Variants in WIPF3 observed in about 807,000 individuals in gnomAD.
WIPF3 encodes WAS/WASL-interacting protein family member 3.
A neutral mutation model predicts 38.9 loss-of-function variants in WIPF3; 33 were observed. The ratio of observed to expected loss-of-function variants is 0.85; its 90% confidence interval spans 0.64 to 1.14. The LOEUF is 1.14. Among genes scored for constraint, WIPF3 ranks in the 50% most tolerant of loss-of-function variants. The probability of loss-of-function intolerance (pLI) is 0.00; values close to 1 mark genes in which losing one functional copy is unlikely to be tolerated. For synonymous variants in WIPF3, 324 were observed against 269.3 expected, an observed-to-expected ratio of 1.20 and a Z score of -1.99; for missense variants, 711 against 652.5, an observed-to-expected ratio of 1.09 and a Z score of -0.98.
intron 2 of WIPF3, among the ~76,000 whole-genome samples, chr7:29,873,546 G>T (rs1785534673): frequency 6.6e-6 from 1 of 152,032 alleles, no homozygotes; most frequent in African/African-American, 2.4e-5. Context: ...TTAAAATTTT[G>T]CAGCTTAAAA....
At chr7:29,893,226 C>T (rs745406412) in intron 7 of WIPF3, among the ~76,000 whole-genome samples, 2 of 151,962 alleles carry the variant, frequency 1.3e-5, no homozygotes, top group Non-Finnish European at 2.9e-5. Flanking sequence ...GAGAATGTGA[C>T]ACCAAGAAGG....
In WIPF3 at chr7:29,891,200, AGGGGGCG is replaced by A. The variant is rs1562788093; in HGVS notation, c.1351+1794_1351+1800del. On this transcript the variant is annotated intron_variant, in intron 7 of 8. Coordinates refer to ENST00000242140, the MANE Select transcript of WIPF3 (RefSeq NM_001080529.3). ...GCGGGCCTGCCCTGTGCTCAGGTGG[AGGGGGCG>A]AGGGCCTGCCCTGTGCTCAGGTGGA... 7.4e-3 allele frequency among the ~76,000 whole-genome samples: 481 copies of A among 64,974 alleles called. 16 individuals are homozygous for A. Among genetic ancestry groups the A allele is most frequent in the African/African-American group, 0.026 (443 of 16,874 alleles). 42.6% of individuals were successfully genotyped at this position (64,974 alleles called of 152,430 possible). A position where few individuals can be genotyped will look rare whatever the true frequency, so the allele number is the denominator to read the frequency against.
intron 2 of WIPF3, among the ~76,000 whole-genome samples, chr7:29,849,093 G>A (rs1368155144): frequency 6.6e-6 from 1 of 152,032 alleles, no homozygotes; most frequent in Admixed American, 6.5e-5. Flanking sequence ...AATTCTGTAT[G>A]TCACTGTGAT....
At chr7:29,902,573 C>T (rs932931809) in intron 7 of WIPF3, among the ~76,000 whole-genome samples, 1 of 151,948 alleles carries the variant, frequency 6.6e-6, no homozygotes, top group African/African-American at 2.4e-5. Context: ...CATGGTGGCT[C>T]ATGCCTATAA....
intron 1 of WIPF3, among the ~76,000 whole-genome samples, chr7:29,829,744 C>T (rs529919396): frequency 4.6e-5 from 7 of 152,290 alleles, no homozygotes; most frequent in South Asian, 2.1e-4. Context: ...AAGGTGGAAG[C>T]GGAACCTGGG....
chr7:29,852,186 T>C (rs1341740388), intron 2 of WIPF3, among the ~76,000 whole-genome samples: 3 of 152,120 alleles, frequency 2.0e-5, no homozygotes, highest in Non-Finnish European at 4.4e-5. Context: ...TTTATTTATT[T>C]TGTAGAGACA....
At chr7:29,828,616 T>C (rs1006455628) in intron 1 of WIPF3, among the ~76,000 whole-genome samples, 4 of 152,228 alleles carry the variant, frequency 2.6e-5, no homozygotes, top group Non-Finnish European at 1.5e-5. Flanking sequence ...TGGCCAATAC[T>C]GGGCTCGTAT....
At chr7:29,829,773 C>T (rs1459720006) in intron 1 of WIPF3, among the ~76,000 whole-genome samples, 1 of 152,204 alleles carries the variant, frequency 6.6e-6, no homozygotes, top group African/African-American at 2.4e-5. Context: ...GTTCTGAGAG[C>T]AGGTGCTGTA....
chr7:29,863,720 T>C (rs574362758), intron 2 of WIPF3, among the ~76,000 whole-genome samples: 1 of 152,354 alleles, frequency 6.6e-6, no homozygotes, highest in East Asian at 1.9e-4. Context: ...TATCTCTTCA[T>C]TTATTTAGGT....
intron 1 of WIPF3, among the ~76,000 whole-genome samples, chr7:29,826,117 T>C (rs1784611738): frequency 6.6e-6 from 1 of 152,176 alleles, no homozygotes; most frequent in South Asian, 2.1e-4. Context: ...AACTTCTGAC[T>C]CTATGGGAGA....
chr7:29,895,974 G>T (rs1272405455), intron 7 of WIPF3, among the ~76,000 whole-genome samples: 3 of 152,206 alleles, frequency 2.0e-5, no homozygotes, highest in Non-Finnish European at 2.9e-5. Flanking sequence ...AAGGCCACAT[G>T]TTGTATAATT....
chr7:29,850,641 CAG>C (rs1201388382), intron 2 of WIPF3, among the ~76,000 whole-genome samples: 4 of 152,190 alleles, frequency 2.6e-5, no homozygotes, highest in African/African-American at 9.7e-5. Flanking sequence ...CAGGCTCACA[CAG>C]GGGAACATGC....
chr7:29,890,017 G>A (rs1466300094), intron 7 of WIPF3, among the ~76,000 whole-genome samples: 1 of 152,190 alleles, frequency 6.6e-6, no homozygotes, highest in African/African-American at 2.4e-5. Context: ...TCATTGTGTG[G>A]TCAGACTTTA....
chr7:29,914,443 T>A, intron 8 of WIPF3, 50 bp from the exon 9 acceptor site: 1 of 1,431,620 alleles, frequency 7.0e-7, no homozygotes, highest in Non-Finnish European at 9.3e-7. Flanking sequence ...GGCTTTCATG[T>A]GCAAGAGTCT....
rs914049356 is a variant in WIPF3, at chr7:29,893,546, G to A, written c.1351+4139G>A. ...CAGTCCCTCCCAGACAGCCAGGCCCGTGCAAGCATTTAATAAATGGGACTT... is the reference window on the plus strand; with the variant it reads ...CAGTCCCTCCCAGACAGCCAGGCCCATGCAAGCATTTAATAAATGGGACTT... On this transcript the variant is annotated intron_variant, in intron 7 of 8. Transcript: ENST00000242140. Among the ~76,000 whole-genome samples the A allele has an allele frequency of 8.5e-5, 13 of 152,120 alleles. No individual in the cohort carries two copies. In the East Asian group the frequency reaches 1.5e-3, roughly 18 times the overall value.
intron 7 of WIPF3, among the ~76,000 whole-genome samples, chr7:29,898,943 T>C (rs1244787945): frequency 6.6e-6 from 1 of 152,222 alleles, no homozygotes; most frequent in Non-Finnish European, 1.5e-5. Context: ...CAGGCTGCCA[T>C]AACAAAATAC....
intron 1 of WIPF3, among the ~76,000 whole-genome samples, chr7:29,820,123 C>G (rs915214375): frequency 3.9e-5 from 6 of 152,000 alleles, no homozygotes; most frequent in African/African-American, 1.4e-4. Context: ...TATACATTTG[C>G]CTTCCTTTCC....
intron 8 of WIPF3, chr7:29,904,697 C>A: frequency 8.5e-6 from 2 of 236,126 alleles, no homozygotes; most frequent in Admixed American, 5.3e-5. Context: ...ATGTATAAAA[C>A]ATAATTCAGT....
Position 29,878,905 on chromosome 7 carries a change from T to C in WIPF3, c.224-104T>C. 7.4e-7 allele frequency: 1 copy of C among 1,353,304 alleles called. No homozygotes were observed. Among genetic ancestry groups the C allele is most frequent in the Non-Finnish European group, 1.0e-6 (1 of 995,384 alleles). 83.8% of individuals were successfully genotyped at this position (1,353,304 alleles called of 1,614,324 possible). On this transcript the variant is annotated intron_variant, in intron 3 of 8. Transcript: ENST00000242140. This position sits in a 1 kb window ranked among gnomAD's most constrained non-coding sequence, Gnocchi z 4.0. ...ATTGGAGGTGGGAGAATGGGAAGGC[T>C]GACAAGGGCAGTGGTAGACCAGTGT... is the stretch of plus-strand genomic sequence containing the variant.
Sources: allele counts gnomAD v4.1 joint callset (sites outside exome capture counted in the v4.1 genomes callset), GRCh38; gene constraint gnomAD v4.1.1; non-coding constraint Gnocchi (gnomAD v3.1); transcripts MANE v1.5; gene names NCBI Gene and HGNC (gene_info 2026-07-23, HGNC 2026-07-21).